Variants in ACD observed in about 807,000 individuals in gnomAD.
The protein encoded by ACD is ACD shelterin complex subunit and telomerase recruitment factor.
In ACD, 39 loss-of-function variants were observed where a neutral mutation model predicts 53.9. The ratio of observed to expected loss-of-function variants is 0.72; its 90% CI spans 0.56 to 0.95. The LOEUF (loss-of-function observed/expected upper bound fraction) is 0.95, where lower values mean the gene tolerates loss of function less well. ACD is among the 40% of genes least tolerant of loss of function. ACD has a pLI of 0.00. For synonymous variants in ACD, 273 were observed against 249.2 expected (o/e 1.10, Z -0.90); for missense variants, 526 against 587.9 (o/e 0.89, Z 1.09).
Position 67,658,220 on chromosome 16 carries a change from G to C in ACD, c.972C>G (p.Ala324=). The change falls in exon 10 of 12, where the codon GCC becomes GCG. Residue 324 remains alanine (A), a synonymous_variant. Coordinates refer to ENST00000620761, the MANE Select transcript of ACD (RefSeq NM_001082486.2). Reference sequence around the variant, plus strand: ...CGTGTGGGGACCTGGGGGTCAGGGTGGCAGGGGCTGAGCAGATGGCTGGTG... The same window carrying C: ...CGTGTGGGGACCTGGGGGTCAGGGTCGCAGGGGCTGAGCAGATGGCTGGTG... ...QPSPAICSAP[A]TLTPRSPHAS... is the part of the protein sequence containing the mutation. 1 of 1,613,364 alleles carries C rather than the reference G, an allele frequency of 6.2e-7. No homozygotes were observed. Among genetic ancestry groups the C allele is most frequent in the Non-Finnish European group, 8.5e-7 (1 of 1,179,948 alleles).
chr16:67,658,969 G>T lies in ACD; in HGVS notation c.604C>A (p.Pro202Thr). Residue 202 changes from proline to threonine, a missense_variant, in exon 7 of 12, where the codon CCC (proline) becomes ACC (threonine). Pro to Thr is a conservative substitution (Grantham distance 38, BLOSUM62 -1). Transcript: ENST00000620761. ...CLTLEGPCTA[P>T]PVTHWAASRC... is the part of the protein sequence containing the mutation. Reference sequence around the variant, plus strand: ...GAGGCAGCCCAGTGGGTGACAGGGGGTGCTGTGCAAGGGCCCTCCAGTGTC... The same window carrying T: ...GAGGCAGCCCAGTGGGTGACAGGGGTTGCTGTGCAAGGGCCCTCCAGTGTC... The T allele has an allele frequency of 6.2e-7, 1 of 1,613,904 alleles. No individual in the cohort carries two copies.
intron 3 of ACD, 29 bp downstream of exon 3, chr16:67,659,673 A>G: frequency 6.2e-7 from 1 of 1,612,982 alleles, no homozygotes; most frequent in Non-Finnish European, 8.5e-7. Flanking sequence ...CATGCCCGGT[A>G]ACCCGCCCAA....
rs572997289 is a variant in ACD, at chr16:67,659,129, G to C, written c.494-50C>G. 18 of 1,608,842 alleles carry C rather than the reference G, an allele frequency of 1.1e-5. No homozygotes were observed. The South Asian group carries it at 1.6e-4, about 15-fold the overall frequency. ...AGTCAAGGCTTAAAGGGGAGGACCA[G>C]GAGGGTGAGGGGGAAGACAGCTTAT... On this transcript the variant is annotated intron_variant, in intron 6 of 11. Coordinates refer to ENST00000620761, the MANE Select transcript of ACD (RefSeq NM_001082486.2).
At chr16:67,658,447 G>A (rs1196131125) in intron 9 of ACD, 85 bp from the exon 10 acceptor site, 15 of 1,603,980 alleles carry the variant, frequency 9.4e-6, no homozygotes, top group East Asian at 2.2e-5. Flanking sequence ...GGACTGCAGG[G>A]ACCGTGTTCA....
Position 67,659,372 on chromosome 16 carries a change from C to G in ACD, c.458+3G>C. On this transcript the variant is annotated splice_donor_region_variant and intron_variant, in intron 5 of 11. Coordinates refer to ENST00000620761, the MANE Select transcript of ACD (RefSeq NM_001082486.2). Reference sequence around the variant, plus strand: ...TGGCCCCCGAGCCCAACCCCAGACTCACTCAAGGCAGTCATAGAGCTTTTT... The same window carrying G: ...TGGCCCCCGAGCCCAACCCCAGACTGACTCAAGGCAGTCATAGAGCTTTTT... 1 of 1,614,092 alleles carries G rather than the reference C, an allele frequency of 6.2e-7. No individual in the cohort carries two copies. Among genetic ancestry groups the G allele is most frequent in the Non-Finnish European group, 8.5e-7 (1 of 1,180,014 alleles).
chr16:67,658,196 G>C lies in ACD; in HGVS notation c.996C>G (p.His332Gln). 2 of 1,612,750 alleles carry C rather than the reference G, an allele frequency of 1.2e-6. No homozygotes were observed. The highest frequency in any genetic ancestry group is 1.7e-6 in the Non-Finnish European group (2 of 1,179,524). Reference protein sequence around the residue: ...APATLTPRSPHASRTPSSPLQ... With the variant: ...APATLTPRSPQASRTPSSPLQ... ...GTGGGGAGCTGGGGGTACGGCTGGCGTGTGGGGACCTGGGGGTCAGGGTGG... is the reference window on the plus strand; with the variant it reads ...GTGGGGAGCTGGGGGTACGGCTGGCCTGTGGGGACCTGGGGGTCAGGGTGG... The change falls in exon 10 of 12, where the codon CAC becomes CAG. Residue 332 changes from histidine to glutamine, a missense_variant. By Grantham distance (24) the His-to-Gln change is conservative. Transcript: ENST00000620761.
Position 67,658,354 on chromosome 16 carries a change from C to T in ACD, c.838G>A (p.Ala280Thr). The T allele has an allele frequency of 6.2e-7, 1 of 1,613,682 alleles. No individual in the cohort carries two copies. The highest frequency in any genetic ancestry group is 8.5e-7 in the Non-Finnish European group (1 of 1,179,912). The change falls in exon 10 of 12, where the codon GCC (alanine) becomes ACC (threonine). Residue 280 changes from alanine to threonine, a missense_variant. Physicochemically the swap from Ala to Thr is moderately conservative, Grantham distance 58 (BLOSUM62 0). Transcript: ENST00000620761. ...TCGGATGACATGTGGCCGGGTAAGG[C>T]CGGGGTTCCTGAGGAGGAGGGGACT... ...PSSPSSSGTPALPGHMSSEES... is the reference protein window; with the variant it reads ...PSSPSSSGTPTLPGHMSSEES...
chr16:67,657,624 A>G lies in ACD; in HGVS notation c.1359T>C (p.Ser453=), dbSNP rs763225709. The change falls in exon 12 of 12, where the codon TCT becomes TCC. Residue 453 remains serine, a synonymous_variant. Transcript: ENST00000620761. The surrounding 1 kb of genome is among the most constrained non-coding windows in gnomAD (Gnocchi z 4.5). ...TGACGTCTCACATCGGAGTTGGCTC[A>G]GACCCTGGCTGTGCATCCATCAGAA... ...LHFLMDAQPG[S]EPTPM is the part of the protein sequence containing the mutation. 1.2e-6 allele frequency: 2 copies of G among 1,614,194 alleles called. No homozygotes were observed. The highest frequency in any genetic ancestry group is 2.2e-5 in the South Asian group (2 of 91,092).
At chr16:67,658,470 C>A (rs72549180) in intron 9 of ACD, 85 bp downstream of exon 9, 2 of 1,592,980 alleles carry the variant, frequency 1.3e-6, no homozygotes, top group African/African-American at 1.3e-5. Context: ...CCCCACCCAC[C>A]GTGCACCTTT....
rs373301502 is a variant in ACD at position 67,658,382 on chromosome 16, T to C, written c.830-20A>G. On this transcript the variant is annotated intron_variant, in intron 9 of 11. Transcript: ENST00000620761. The stretch of plus-strand genomic sequence containing the variant: ...GGGTTCCTGAGGAGGAGGGGACTTA[T>C]TGTAGGCACAGCCCTCTCCGCTCAG... 5 of 1,613,126 alleles carry C rather than the reference T, an allele frequency of 3.1e-6. No individual in the cohort carries two copies. Among genetic ancestry groups the C allele is most frequent in the Admixed American group, 1.7e-5 (1 of 59,990 alleles).
chr16:67,659,278 T>C lies in ACD; in HGVS notation c.459-15A>G. Reference sequence around the variant, plus strand: ...AAAGGTGCTCCCTACAGGAAGAGAGTGGCCAGGACTCAGGAACCATGCTGA... The same window carrying C: ...AAAGGTGCTCCCTACAGGAAGAGAGCGGCCAGGACTCAGGAACCATGCTGA... On this transcript the variant is annotated splice_polypyrimidine_tract_variant and intron_variant, in intron 5 of 11. Coordinates refer to ENST00000620761, the MANE Select transcript of ACD (RefSeq NM_001082486.2). 1.2e-6 allele frequency: 2 copies of C among 1,613,864 alleles called. No homozygotes were observed. Among genetic ancestry groups the C allele is most frequent in the Non-Finnish European group, 1.7e-6 (2 of 1,179,940 alleles).
chr16:67,659,793 T>C lies in ACD; in HGVS notation c.245A>G (p.Glu82Gly). ...CCCGCGGAAGCCGAACTCCTTCTCC[T>C]CCCTGCAACAAGCAGGATCCTCACT... ...TREALDTSDW[E>G]EKEFGFRGTE... Residue 82 changes from glutamate to glycine, a missense_variant and splice_region_variant, in exon 3 of 12, where the codon GAG becomes GGG. Physicochemically the swap from Glu to Gly is moderately conservative, Grantham distance 98. Coordinates refer to ENST00000620761, the MANE Select transcript of ACD (RefSeq NM_001082486.2). The C allele has an allele frequency of 1.2e-6, 2 of 1,604,978 alleles. No individual in the cohort carries two copies. Among genetic ancestry groups the C allele is most frequent in the Non-Finnish European group, 1.7e-6 (2 of 1,173,696 alleles).
rs377522855 is a variant in ACD, at chr16:67,658,520, G to A, written c.829+35C>T. The A allele has an allele frequency of 4.9e-5, 77 of 1,568,294 alleles. No individual in the cohort carries two copies. The highest frequency in any genetic ancestry group is 1.8e-4 in the Middle Eastern group (1 of 5,674). The stretch of plus-strand genomic sequence containing the variant: ...CAGCCCGGGAACCTGACTGACAGGC[G>A]GCAGTGAGTGCCTGTGACCTGTGCA... On this transcript the variant is annotated intron_variant, in intron 9 of 11. Transcript: ENST00000620761.
rs1203383434 is a variant in ACD, at chr16:67,658,139, A to G, written c.1053T>C (p.Arg351=). 1.2e-6 allele frequency: 2 copies of G among 1,601,048 alleles called. No individual in the cohort carries two copies. The highest frequency in any genetic ancestry group is 1.3e-5 in the African/African-American group (1 of 74,644). ...CCTGGTGTGGACTGGGGACATGGCT[A>G]CGGGGTGAGAGACTGGGAGTGCAGC... ...LQSCTPSLSP[R]SHVPSPHQAL... The change falls in exon 10 of 12, where the codon CGT becomes CGC. Residue 351 remains arginine, a synonymous_variant. Transcript: ENST00000620761.
Position 67,657,899 on chromosome 16 carries a change from C to T in ACD, c.1207-46G>A. 6.2e-7 allele frequency: 1 copy of T among 1,613,280 alleles called. No homozygotes were observed. Among genetic ancestry groups the T allele is most frequent in the Non-Finnish European group, 8.5e-7 (1 of 1,179,638 alleles). On this transcript the variant is annotated intron_variant, in intron 10 of 11. Transcript: ENST00000620761. The surrounding 1 kb of genome is among the most constrained non-coding windows in gnomAD (Gnocchi z 4.5). Reference sequence around the variant, plus strand: ...GGGGAAGAGCTAACAAGGACCCCAACCCCATCCAAGGCTACCCATGCTCCC... The same window carrying T: ...GGGGAAGAGCTAACAAGGACCCCAATCCCATCCAAGGCTACCCATGCTCCC...
Position 67,658,032 on chromosome 16 carries a change from G to A in ACD, c.1160C>T (p.Pro387Leu). Residue 387 changes from proline (P) to leucine (L), a missense_variant, in exon 10 of 12, where the codon CCC becomes CTC. Coordinates refer to ENST00000620761, the MANE Select transcript of ACD (RefSeq NM_001082486.2). Reference protein sequence around the residue: ...GLPCKNRPPFPRTGATRGAQE... With the variant: ...GLPCKNRPPFLRTGATRGAQE... ...GGCTCCCCTGGTAGCTCCGGTCCTGGGAAAAGGCGGCCGATTCTTGCAGGG... is the reference window on the plus strand; with the variant it reads ...GGCTCCCCTGGTAGCTCCGGTCCTGAGAAAAGGCGGCCGATTCTTGCAGGG... The A allele has an allele frequency of 6.5e-7, 1 of 1,547,490 alleles. No homozygotes were observed. The highest frequency in any genetic ancestry group is 1.3e-5 in the South Asian group (1 of 79,442).
In ACD at chr16:67,658,620, T is replaced by A; in HGVS notation, c.764A>T (p.Asp255Val). 6.3e-7 allele frequency: 1 copy of A among 1,576,414 alleles called. No individual in the cohort carries two copies. The highest frequency in any genetic ancestry group is 8.6e-7 in the Non-Finnish European group (1 of 1,160,030). Residue 255 changes from aspartate (D) to valine (V), a missense_variant, in exon 9 of 12, where the codon GAC becomes GTC. Physicochemically the swap from Asp to Val is radical, Grantham distance 152 (BLOSUM62 -3). Transcript: ENST00000620761. ...RTQGPELPPP[D>V]PALQDLSLTL... is the part of the protein sequence containing the mutation. ...CAGAGATAGGTCCTGCAGAGCCGGG[T>A]CTGGTGGGGGCAGCTCAGGGCCTGG... is the stretch of plus-strand genomic sequence containing the variant.
At position 67,659,766 on chromosome 16, in the gene ACD, G is replaced by C. The variant is rs1334264333; in HGVS notation, c.272C>G (p.Thr91Arg). ...CTGCAGCAGCAGCAGCCGGCCCTCT[G>C]TCCCGCGGAAGCCGAACTCCTTCTC... ...WEEKEFGFRG[T>R]EGRLLLLQDC... The change falls in exon 3 of 12, where the codon ACA becomes AGA. Residue 91 changes from threonine to arginine, a missense_variant. Thr to Arg is a moderately conservative substitution (Grantham distance 71). Coordinates refer to ENST00000620761, the MANE Select transcript of ACD (RefSeq NM_001082486.2). 6 of 1,611,470 alleles carry C rather than the reference G, an allele frequency of 3.7e-6. No individual in the cohort carries two copies. The highest frequency in any genetic ancestry group is 5.1e-6 in the Non-Finnish European group (6 of 1,178,428).
chr16:67,658,914 A>G lies in ACD; in HGVS notation c.645+14T>C. ...CCTCACCCTGACATCTCCCAAGCAA[A>G]TCCCCAGACTGACCGTGGCCTTGCA... On this transcript the variant is annotated intron_variant, in intron 7 of 11. Transcript: ENST00000620761. 1 of 1,610,522 alleles carries G rather than the reference A, an allele frequency of 6.2e-7. No homozygotes were observed. Among genetic ancestry groups the G allele is most frequent in the South Asian group, 1.1e-5 (1 of 90,996 alleles).
Sources: gnomAD v4.1 joint callset for allele counts on GRCh38, gnomAD v4.1.1 for gene constraint, Gnocchi (gnomAD v3.1) non-coding constraint, MANE v1.5 for transcripts, NCBI Gene and HGNC (gene_info 2026-07-23, HGNC 2026-07-21) for gene names.